GALNT10: variants seen among roughly 807,000 people sequenced by gnomAD.
GALNT10 encodes GalNAc transferase 10.
A neutral mutation model predicts 75.0 loss-of-function variants in GALNT10; 41 were observed. The observed-to-expected ratio is 0.55, with a 90% CI of 0.43 to 0.71. The LOEUF is 0.71. Among genes scored for constraint, GALNT10 ranks in the 30% least tolerant of loss-of-function variants. GALNT10 has a pLI of 0.00. For synonymous variants in GALNT10, 302 were observed against 313.0 expected, an observed-to-expected ratio of 0.96 and a Z score of 0.37; for missense variants, 727 against 818.5, an observed-to-expected ratio of 0.89 and a Z score of 1.36.
chr5:154,271,857 T>G (rs577051952), intron 1 of GALNT10, among the ~76,000 whole-genome samples: 1 of 152,312 alleles, frequency 6.6e-6, no homozygotes, highest in African/African-American at 2.4e-5. Context: ...GGAAAGGCTT[T>G]CCTCCCTACC....
intron 1 of GALNT10, among the ~76,000 whole-genome samples, chr5:154,202,314 T>C (rs376921449): frequency 6.6e-6 from 1 of 152,190 alleles, no homozygotes; most frequent in East Asian, 1.9e-4. Context: ...GCTCCTGGTG[T>C]GGCAGTGGGG....
In GALNT10 at chr5:154,329,785, C is replaced by T. The variant is rs375586744; in HGVS notation, c.568+47C>T. On this transcript the variant is annotated intron_variant, in intron 4 of 11. Transcript: ENST00000297107. ...CTCCCACCCTCTGTGCTTCATCTGG[C>T]GACTCACCAAAGGGATGGCAGGTTT... 1.6e-4 allele frequency: 228 copies of T among 1,425,658 alleles called. 1 individual carries two copies. In the African/African-American group the frequency reaches 2.7e-3, roughly 17 times the overall value. The allele number at this position is 1,425,658 out of a possible 1,614,324, so 88.3% of individuals were successfully genotyped here.
chr5:154,386,256 TGAGA>T (rs1755804385), intron 6 of GALNT10, 53 bp from the exon 7 acceptor site: 17 of 1,240,866 alleles, frequency 1.4e-5, no homozygotes, highest in South Asian at 1.4e-4. Flanking sequence ...TCGGGCCACA[TGAGA>T]GCATGTGGCC....
At chr5:154,362,016 G>T (rs1351080904) in intron 4 of GALNT10, among the ~76,000 whole-genome samples, 1 of 152,158 alleles carries the variant, frequency 6.6e-6, no homozygotes, top group Non-Finnish European at 1.5e-5. Flanking sequence ...CCCTGAATGG[G>T]AACAAGATGC....
intron 1 of GALNT10, among the ~76,000 whole-genome samples, chr5:154,248,949 T>G (rs941556719): frequency 1.3e-5 from 2 of 152,224 alleles, no homozygotes; most frequent in African/African-American, 4.8e-5. Context: ...GATAAGTTGC[T>G]GGAATGTCTA....
At position 154,234,686 on chromosome 5, in the gene GALNT10, T is replaced by G. The variant is rs113377849; in HGVS notation, c.159+43661T>G. On this transcript the variant is annotated intron_variant, in intron 1 of 11. Coordinates refer to ENST00000297107, the MANE Select transcript of GALNT10 (RefSeq NM_198321.4). Reference sequence around the variant, plus strand: ...TCAGGTCCTGTGGGCATGTGACCAGTGCATATGCACAGGGCCCTGCACTGA... The same window carrying G: ...TCAGGTCCTGTGGGCATGTGACCAGGGCATATGCACAGGGCCCTGCACTGA... Among the ~76,000 whole-genome samples the G allele has an allele frequency of 2.6e-5, 4 of 152,220 alleles. No individual in the cohort carries two copies. The East Asian group carries it at 5.8e-4, about 22-fold the overall frequency.
chr5:154,286,189 T>C (rs1490516636), intron 1 of GALNT10, among the ~76,000 whole-genome samples: 1 of 152,196 alleles, frequency 6.6e-6, no homozygotes, highest in Non-Finnish European at 1.5e-5. Context: ...CATACTTCTA[T>C]AAGCTCTATG....
intron 1 of GALNT10, among the ~76,000 whole-genome samples, chr5:154,228,297 C>T (rs1753093488): frequency 6.6e-6 from 1 of 152,226 alleles, no homozygotes; most frequent in South Asian, 2.1e-4. Context: ...TCTACTGATA[C>T]TCAGTTGTTC....
chr5:154,243,686 A>G (rs1753375517), intron 1 of GALNT10, among the ~76,000 whole-genome samples: 1 of 152,228 alleles, frequency 6.6e-6, no homozygotes, highest in Non-Finnish European at 1.5e-5. Flanking sequence ...AATTCTTTAA[A>G]TAGGGTCTGT....
At chr5:154,266,947 T>C (rs1753784080) in intron 1 of GALNT10, among the ~76,000 whole-genome samples, 1 of 152,194 alleles carries the variant, frequency 6.6e-6, no homozygotes, top group Non-Finnish European at 1.5e-5. Context: ...CTCCTTTTCC[T>C]GTGTACCCAT....
In GALNT10 at chr5:154,190,886, G is replaced by A; in HGVS notation, c.20G>A (p.Arg7Gln). The A allele has an allele frequency of 4.2e-6, 6 of 1,439,166 alleles. No homozygotes were observed. Among genetic ancestry groups the A allele is most frequent in the Non-Finnish European group, 5.5e-6 (6 of 1,090,492 alleles). 89.1% of individuals were successfully genotyped at this position (1,439,166 alleles called of 1,614,324 possible). Reference sequence around the variant, plus strand: ...GCCCCGATGAGGCGGAAGGAGAAGCGGCTCCTGCAGGCGGTGGCGCTGGTG... The same window carrying A: ...GCCCCGATGAGGCGGAAGGAGAAGCAGCTCCTGCAGGCGGTGGCGCTGGTG... MRRKEK[R>Q]LLQAVALVLA... Residue 7 changes from arginine (R) to glutamine (Q), a missense_variant, in exon 1 of 12, where the codon CGG (arginine) becomes CAG (glutamine). Physicochemically the swap from Arg to Gln is conservative, Grantham distance 43. Transcript: ENST00000297107.
At chr5:154,404,260 A>G in intron 8 of GALNT10, 49 bp downstream of exon 8, 1 of 1,191,738 alleles carries the variant, frequency 8.4e-7, no homozygotes, top group Non-Finnish European at 1.2e-6. Flanking sequence ...GCCTAGGACC[A>G]TCAGCTGCAC....
chr5:154,331,227 C>T (rs974302223), intron 4 of GALNT10, among the ~76,000 whole-genome samples: 8 of 152,114 alleles, frequency 5.3e-5, no homozygotes, highest in African/African-American at 1.9e-4. Flanking sequence ...TGAACCAGAG[C>T]CTGGTTCTCC....
intron 1 of GALNT10, among the ~76,000 whole-genome samples, chr5:154,252,549 A>AT (rs963101462): frequency 2.3e-4 from 34 of 150,540 alleles, no homozygotes; most frequent in African/African-American, 7.6e-4. Flanking sequence ...GTGATAATCT[A>AT]TTTTTTTTTC....
chr5:154,211,346 C>T (rs1775194780), intron 1 of GALNT10, among the ~76,000 whole-genome samples: 1 of 152,146 alleles, frequency 6.6e-6, no homozygotes, highest in African/African-American at 2.4e-5. Context: ...TACACTTTCC[C>T]CTCTCTTTTT....
intron 1 of GALNT10, among the ~76,000 whole-genome samples, chr5:154,205,806 T>G (rs1300906409): frequency 6.6e-6 from 1 of 152,168 alleles, no homozygotes. Flanking sequence ...AGGGTACACC[T>G]GGGGCTACCA....
At chr5:154,195,975 T>C (rs1056700494) in intron 1 of GALNT10, among the ~76,000 whole-genome samples, 2 of 152,146 alleles carry the variant, frequency 1.3e-5, no homozygotes, top group Non-Finnish European at 2.9e-5. Flanking sequence ...CAGGCTGGAG[T>C]GCAATGGCGT....
chr5:154,212,376 G>T (rs891163133), intron 1 of GALNT10, among the ~76,000 whole-genome samples: 1 of 152,210 alleles, frequency 6.6e-6, no homozygotes, highest in African/African-American at 2.4e-5. Flanking sequence ...ACTGCGCCAG[G>T]CAGGACTGCC....
chr5:154,401,814 CA>C (rs1244993348), intron 7 of GALNT10, among the ~76,000 whole-genome samples: 2 of 152,170 alleles, frequency 1.3e-5, no homozygotes, highest in Admixed American at 6.5e-5. Flanking sequence ...CTGAATTAAT[CA>C]AGATGTGAAG....
Sources: gnomAD v4.1 joint callset for allele counts (sites outside exome capture counted in the v4.1 genomes callset) on GRCh38, gnomAD v4.1.1 for gene constraint, MANE v1.5 for transcripts, NCBI Gene and HGNC (gene_info 2026-07-23, HGNC 2026-07-21) for gene names.